The following TRIM33 variants were observed in gnomAD, a reference collection of about 807,000 sequenced individuals.
The protein encoded by TRIM33 is E3 ubiquitin-protein ligase TRIM33.
A neutral mutation model predicts 125.4 loss-of-function variants in TRIM33; 20 were observed. The observed-to-expected ratio is 0.16, with a 90% CI of 0.11 to 0.23. The LOEUF (loss-of-function observed/expected upper bound fraction) is 0.23. TRIM33 is among the 10% of genes least tolerant of loss of function. The probability of loss-of-function intolerance (pLI) is 1.00; values close to 1 mark genes in which losing one functional copy is unlikely to be tolerated. For missense variants in TRIM33, 920 were observed against 1,411.4 expected (o/e 0.65, Z 5.58); for synonymous variants, 564 against 513.9 (o/e 1.10, Z -1.32).
chr1:114,492,738 T>C (rs1455850390), intron 1 of TRIM33, among the ~76,000 whole-genome samples: 2 of 152,226 alleles, frequency 1.3e-5, no homozygotes, highest in African/African-American at 4.8e-5. Flanking sequence ...TATTGCAGCA[T>C]GTATCGGAAA....
intron 4 of TRIM33, among the ~76,000 whole-genome samples, chr1:114,450,917 TC>T (rs763101395): frequency 6.6e-6 from 1 of 152,246 alleles, no homozygotes; most frequent in Non-Finnish European, 1.5e-5. Context: ...ACATTTGTTT[TC>T]TTTTTTCTAT....
chr1:114,486,424 C>G (rs568237958), intron 1 of TRIM33, among the ~76,000 whole-genome samples: 3 of 151,548 alleles, frequency 2.0e-5, no homozygotes, highest in African/African-American at 7.3e-5. Context: ...GAGGTCAAGA[C>G]CAGCCTGACC....
intron 1 of TRIM33, among the ~76,000 whole-genome samples, chr1:114,485,714 G>A (rs1651640752): frequency 6.6e-6 from 1 of 152,144 alleles, no homozygotes; most frequent in African/African-American, 2.4e-5. Flanking sequence ...GAGGCCCAAG[G>A]GGAAGGTGAA....
At chr1:114,499,833 T>C (rs1652602938) in intron 1 of TRIM33, among the ~76,000 whole-genome samples, 1 of 152,114 alleles carries the variant, frequency 6.6e-6, no homozygotes, top group South Asian at 2.1e-4. Flanking sequence ...AATGGAATTA[T>C]CAAATATAAA....
At chr1:114,404,047 C>T (rs559569848) in intron 15 of TRIM33, among the ~76,000 whole-genome samples, 1 of 152,306 alleles carries the variant, frequency 6.6e-6, no homozygotes, top group Non-Finnish European at 1.5e-5. Context: ...AAATGATTCA[C>T]TCCCTCTCTC....
chr1:114,467,649 A>T (rs1650385866), intron 1 of TRIM33, among the ~76,000 whole-genome samples: 1 of 152,178 alleles, frequency 6.6e-6, no homozygotes, highest in South Asian at 2.1e-4. Flanking sequence ...ACAAATACAT[A>T]CCTGTCTGTG....
chr1:114,476,207 CA>C lies in TRIM33; in HGVS notation c.527-11820del, dbSNP rs1485669784. 1.5e-4 allele frequency among the ~76,000 whole-genome samples: 23 copies of C among 148,986 alleles called. No individual in the cohort carries two copies. In the East Asian group the frequency reaches 3.9e-3, roughly 25 times the overall value. On this transcript the variant is annotated intron_variant, in intron 1 of 19. Coordinates refer to ENST00000358465, the MANE Select transcript of TRIM33 (RefSeq NM_015906.4). ...AAAATTTGATCTTGTATTCAGCTACCAAAAACAAATAAGAAAAAAAAAAACC... is the reference window on the plus strand; with the variant it reads ...AAAATTTGATCTTGTATTCAGCTACCAAAACAAATAAGAAAAAAAAAAACC...
At chr1:114,404,599 A>G (rs560728030) in intron 15 of TRIM33, 5 of 152,312 alleles carry the variant, frequency 3.3e-5, no homozygotes, top group African/African-American at 4.8e-5. Context: ...TCTTTTCTAA[A>G]TAAGAGTAAA....
chr1:114,483,193 G>C (rs1412797049), intron 1 of TRIM33, among the ~76,000 whole-genome samples: 1 of 151,956 alleles, frequency 6.6e-6, no homozygotes, highest in African/African-American at 2.4e-5. Context: ...TGTAGTCCCA[G>C]CTACTCAGGA....
Position 114,408,658 on chromosome 1 carries a change from T to A in TRIM33, c.2258+19A>T. On this transcript the variant is annotated intron_variant, in intron 13 of 19. Transcript: ENST00000358465. ...TTTTTCTTAACAAAAAGGAAAAAAATAATTATCAATATACTCACCTGCCTC... is the reference window on the plus strand; with the variant it reads ...TTTTTCTTAACAAAAAGGAAAAAAAAAATTATCAATATACTCACCTGCCTC... 1 of 1,537,262 alleles carries A rather than the reference T, an allele frequency of 6.5e-7. No homozygotes were observed. The highest frequency in any genetic ancestry group is 8.9e-7 in the Non-Finnish European group (1 of 1,128,832).
intron 11 of TRIM33, chr1:114,420,492 A>G (rs1226471714): frequency 9.6e-7 from 1 of 1,043,386 alleles, no homozygotes; most frequent in Non-Finnish European, 1.3e-6. Flanking sequence ...CCTTTTAGCA[A>G]AAGTGATATT....
In TRIM33 at chr1:114,406,928, A is replaced by T. The variant is rs1420508014; in HGVS notation, c.2418+13T>A. ...TGTCCTTAAGTCCCTGTCAGACTCC[A>T]GTGGGAGCTTACCATGCAAGCACTC... On this transcript the variant is annotated intron_variant, in intron 14 of 19. Coordinates refer to ENST00000358465, the MANE Select transcript of TRIM33 (RefSeq NM_015906.4). The T allele has an allele frequency of 6.2e-7, 1 of 1,612,258 alleles. No individual in the cohort carries two copies. Among genetic ancestry groups the T allele is most frequent in the South Asian group, 1.1e-5 (1 of 90,802 alleles).
intron 11 of TRIM33, among the ~76,000 whole-genome samples, chr1:114,416,308 C>T (rs1450750350): frequency 1.3e-5 from 2 of 152,122 alleles, no homozygotes; most frequent in Non-Finnish European, 2.9e-5. Context: ...ATGTACTGTA[C>T]CATAAGTGAA....
intron 1 of TRIM33, 39 bp downstream of exon 1, chr1:114,510,512 C>T (rs888103532): frequency 6.9e-7 from 1 of 1,441,720 alleles, no homozygotes; most frequent in Non-Finnish European, 9.1e-7. Context: ...TTGCGCAAAT[C>T]CCTTGCGGCC....
intron 4 of TRIM33, chr1:114,460,342 A>G (rs1649889285): frequency 6.4e-6 from 1 of 155,426 alleles, no homozygotes; most frequent in African/African-American, 2.4e-5. Context: ...CAAGGAAGAA[A>G]CAATTGAGAA....
At chr1:114,426,458 G>A (rs2101163402) in intron 8 of TRIM33, among the ~76,000 whole-genome samples, 1 of 151,534 alleles carries the variant, frequency 6.6e-6, no homozygotes, top group Admixed American at 6.6e-5. Flanking sequence ...CAGAACTAAG[G>A]CTATAGCTAA....
chr1:114,460,852 T>C (rs950897994), intron 4 of TRIM33, among the ~76,000 whole-genome samples: 2 of 152,154 alleles, frequency 1.3e-5, no homozygotes, highest in Non-Finnish European at 2.9e-5. Context: ...GAATGAAGTA[T>C]TGCTCAAATC....
Position 114,427,206 on chromosome 1 carries a change from G to C in TRIM33, c.1391C>G (p.Thr464Ser). The change falls in exon 8 of 20, where the codon ACC (threonine) becomes AGC (serine). Residue 464 changes from threonine to serine, a missense_variant. Thr to Ser is a moderately conservative substitution (Grantham distance 58). Coordinates refer to ENST00000358465, the MANE Select transcript of TRIM33 (RefSeq NM_015906.4). ...ATTGACTACATTCTTTGCCCAGAAG[G>C]TGGGATCACAATGGAAACGTATTGC... ...NGAIRFHCDP[T>S]FWAKNVVNLG... 1 of 1,594,442 alleles carries C rather than the reference G, an allele frequency of 6.3e-7. No individual in the cohort carries two copies. The highest frequency in any genetic ancestry group is 8.6e-7 in the Non-Finnish European group (1 of 1,165,624).
intron 10 of TRIM33, among the ~76,000 whole-genome samples, chr1:114,422,011 T>C (rs1357621551): frequency 1.3e-5 from 2 of 152,200 alleles, no homozygotes; most frequent in African/African-American, 2.4e-5. Flanking sequence ...AAAAATGATA[T>C]ATAATGCAGC....
Sources: gnomAD v4.1 joint callset for allele counts (sites outside exome capture counted in the v4.1 genomes callset) on GRCh38, gnomAD v4.1.1 for gene constraint, MANE v1.5 for transcripts, NCBI Gene and HGNC (gene_info 2026-07-23, HGNC 2026-07-21) for gene names.